Variants in CYSLTR1 observed in about 807,000 individuals in gnomAD.
CYSLTR1 encodes cysteinyl leukotriene receptor 1, also known as G-protein coupled receptor HG55.
A neutral mutation model predicts 2.1 loss-of-function variants in CYSLTR1; 1 was observed. The observed-to-expected ratio is 0.48, with a 90% CI of 0.17 to 2.28. CYSLTR1 has a LOEUF of 2.28. Among genes scored for constraint, CYSLTR1 ranks in the 30% most tolerant of loss-of-function variants. The pLI, the probability that CYSLTR1 is intolerant of heterozygous loss-of-function variation, is 0.26. For missense variants in CYSLTR1, 299 were observed against 250.1 expected (o/e 1.20, Z -1.32); for synonymous variants, 110 against 89.6 (o/e 1.23, Z -1.28).
intron 1 of CYSLTR1, among the ~76,000 whole-genome samples, chrX:78,287,999 A>C (rs1184084841): frequency 1.8e-5 from 2 of 110,974 alleles, no homozygotes; most frequent in Non-Finnish European, 3.8e-5. Context: ...TAATTACAAA[A>C]AAAATTAGTT....
At chrX:78,283,074 C>T (rs1025473073) in intron 2 of CYSLTR1, among the ~76,000 whole-genome samples, 2 of 112,208 alleles carry the variant, frequency 1.8e-5, no homozygotes, top group Admixed American at 9.5e-5. Flanking sequence ...ACAAGCCACT[C>T]ATTTCACAGA....
At chrX:78,300,027 C>T (rs1240666563) in intron 1 of CYSLTR1, among the ~76,000 whole-genome samples, 2 of 111,596 alleles carry the variant, frequency 1.8e-5, no homozygotes, top group Non-Finnish European at 3.8e-5. Context: ...CTTCAAATGG[C>T]CTGTCTTGAA....
intron 1 of CYSLTR1, among the ~76,000 whole-genome samples, chrX:78,318,500 ACCTGCACAT>A (rs1400107972): frequency 1.8e-5 from 2 of 111,847 alleles, no homozygotes; most frequent in Non-Finnish European, 3.8e-5. Context: ...TATGTAACAA[ACCTGCACAT>A]CCTGCACATG....
intron 1 of CYSLTR1, chrX:78,319,038 A>T (rs1429265034): frequency 1.4e-4 from 16 of 110,988 alleles, no homozygotes; most frequent in Non-Finnish European, 3.0e-4. Context: ...TGAAGTTATC[A>T]TTCTCTATGA....
chrX:78,317,367 T>C (rs748010337), intron 1 of CYSLTR1, among the ~76,000 whole-genome samples: 2 of 112,479 alleles, frequency 1.8e-5, no homozygotes, highest in South Asian at 7.4e-4. Flanking sequence ...GGGAATACTT[T>C]TACACTGCTG....
chrX:78,312,071 C>G (rs978662166), intron 1 of CYSLTR1, among the ~76,000 whole-genome samples: 1 of 111,625 alleles, frequency 9.0e-6, no homozygotes, highest in South Asian at 3.7e-4. Flanking sequence ...CATTACTCAA[C>G]GTCAAACCAT....
intron 1 of CYSLTR1, among the ~76,000 whole-genome samples, chrX:78,307,877 A>T (rs1189003616): frequency 8.9e-6 from 1 of 111,816 alleles, no homozygotes; most frequent in Non-Finnish European, 1.9e-5. Context: ...GCAAGGTGGG[A>T]GTGAAACAGA....
At chrX:78,324,272 G>A (rs914225253) in intron 1 of CYSLTR1, among the ~76,000 whole-genome samples, 3 of 112,724 alleles carry the variant, frequency 2.7e-5, no homozygotes, top group Admixed American at 9.3e-5. Context: ...AATCAAATTA[G>A]ATAAAGGAAT....
chrX:78,321,097 A>G (rs1923635743), intron 1 of CYSLTR1: 1 of 106,257 alleles, frequency 9.4e-6, no homozygotes, highest in Non-Finnish European at 1.9e-5. Flanking sequence ...AGAGCATCTA[A>G]TTTCCCAGGG....
chrX:78,287,083 G>T (rs961035421), intron 1 of CYSLTR1, among the ~76,000 whole-genome samples: 6 of 110,999 alleles, frequency 5.4e-5, no homozygotes, highest in African/African-American at 9.8e-5. Context: ...TATATGCTTT[G>T]CAAATATTTG....
At chrX:78,298,632 T>C (rs1255583444) in intron 1 of CYSLTR1, among the ~76,000 whole-genome samples, 1 of 111,836 alleles carries the variant, frequency 8.9e-6, no homozygotes, top group Admixed American at 9.5e-5. Context: ...TTTAGTGACT[T>C]TGTTTGTCTT....
chrX:78,310,948 G>A (rs1480819759), intron 1 of CYSLTR1, among the ~76,000 whole-genome samples: 1 of 110,043 alleles, frequency 9.1e-6, no homozygotes, highest in African/African-American at 3.3e-5. Flanking sequence ...GAGAAATTAG[G>A]TAGAAAAGAA....
intron 1 of CYSLTR1, among the ~76,000 whole-genome samples, chrX:78,291,744 T>A (rs1922336543): frequency 8.9e-6 from 1 of 111,906 alleles, no homozygotes; most frequent in Admixed American, 9.5e-5. Context: ...TCCAGTTTAT[T>A]TGCATAGAGG....
At chrX:78,310,409 C>T in intron 1 of CYSLTR1, among the ~76,000 whole-genome samples, 1 of 111,999 alleles carries the variant, frequency 8.9e-6, no homozygotes. Flanking sequence ...ATCGTTAAGA[C>T]AATCTCTTAT....
chrX:78,313,409 G>C (rs1243780908), intron 1 of CYSLTR1, among the ~76,000 whole-genome samples: 2 of 111,307 alleles, frequency 1.8e-5, no homozygotes, highest in African/African-American at 6.5e-5. Flanking sequence ...CCAAACCTCA[G>C]CATTATGCAG....
intron 1 of CYSLTR1, among the ~76,000 whole-genome samples, chrX:78,293,435 T>C (rs1184185426): frequency 9.0e-6 from 1 of 111,670 alleles, no homozygotes; most frequent in Non-Finnish European, 1.9e-5. Context: ...TCAACTTTGG[T>C]GAATCTGACA....
At chrX:78,285,378 C>T (rs1259650188) in intron 1 of CYSLTR1, among the ~76,000 whole-genome samples, 1 of 102,820 alleles carries the variant, frequency 9.7e-6, no homozygotes, top group Non-Finnish European at 2.0e-5. Context: ...GCCGAGATCG[C>T]GCCACTTCAC....
chrX:78,296,413 G>GT (rs1297628834), intron 1 of CYSLTR1, among the ~76,000 whole-genome samples: 2 of 111,567 alleles, frequency 1.8e-5, no homozygotes, highest in Non-Finnish European at 3.8e-5. Flanking sequence ...TTTTAGCATT[G>GT]TTTTTTCTAT....
intron 1 of CYSLTR1, among the ~76,000 whole-genome samples, chrX:78,303,242 C>T (rs924493606): frequency 9.0e-6 from 1 of 111,532 alleles, no homozygotes; most frequent in African/African-American, 3.3e-5. Context: ...GCTGCTCTCT[C>T]TCTTCCCGAG....
Sources: allele counts gnomAD v4.1 joint callset (sites outside exome capture counted in the v4.1 genomes callset), GRCh38; gene constraint gnomAD v4.1.1; transcripts MANE v1.5; gene names NCBI Gene and HGNC (gene_info 2026-07-23, HGNC 2026-07-21).